ZNF383: variants seen among roughly 807,000 people sequenced by gnomAD.
ZNF383 encodes the protein zinc finger protein 383.
In ZNF383, 32 loss-of-function variants were observed where a neutral mutation model predicts 44.2. The ratio of observed to expected loss-of-function variants is 0.72; its 90% CI spans 0.55 to 0.97. ZNF383 has a LOEUF of 0.97. Ranked by LOEUF, ZNF383 falls within the 50% of genes least tolerant of loss-of-function variation. ZNF383 has a pLI of 0.00. For missense variants in ZNF383, 487 were observed against 562.5 expected (o/e 0.87, Z 1.36); for synonymous variants, 155 against 186.2 (o/e 0.83, Z 1.36).
At chr19:37,222,967 CTAGAGA>C (rs1972996242) in intron 1 of ZNF383, among the ~76,000 whole-genome samples, 1 of 152,102 alleles carries the variant, frequency 6.6e-6, no homozygotes, top group Admixed American at 6.5e-5. Context: ...AGAAGCTTTA[CTAGAGA>C]TAAAGAGGAA....
Position 37,242,911 on chromosome 19 carries a change from C to CT in ZNF383, c.678dup (p.Glu227Ter). ...TGAAAATTCATACTGGCGAAAAACC[C>CT]TTTGAATGTAAGGAATGTGGAAAGG... is the stretch of plus-strand genomic sequence containing the variant. On this transcript the variant is annotated frameshift_variant, in exon 6 of 6. Coordinates refer to ENST00000684119, the MANE Select transcript of ZNF383 (RefSeq NM_001387601.1). LOFTEE classifies it high-confidence loss of function. 1 of 1,614,100 alleles carries CT rather than the reference C, an allele frequency of 6.2e-7. No homozygotes were observed. Among genetic ancestry groups the CT allele is most frequent in the Non-Finnish European group, 8.5e-7 (1 of 1,180,028 alleles).
intron 2 of ZNF383, among the ~76,000 whole-genome samples, chr19:37,229,648 GTA>G (rs1041326528): frequency 2.1e-5 from 3 of 140,522 alleles, no homozygotes; most frequent in Non-Finnish European, 3.0e-5. Flanking sequence ...ATATATATAT[GTA>G]TATATATGTG....
Position 37,224,273 on chromosome 19 carries a change from A to G in ZNF383, c.-167-545A>G, listed in dbSNP as rs569985567. On this transcript the variant is annotated intron_variant, in intron 1 of 5. Coordinates refer to ENST00000684119, the MANE Select transcript of ZNF383 (RefSeq NM_001387601.1). ...ACAAAATGAATGTACAGTGAAGAAA[A>G]CTAACAAAGGCAAAAGCTTATTTTT... Among the ~76,000 whole-genome samples the G allele has an allele frequency of 1.1e-4, 16 of 152,302 alleles. No individual in the cohort carries two copies. In the South Asian group the frequency reaches 3.3e-3, roughly 32 times the overall value.
At chr19:37,230,360 G>A (rs1973423550) in intron 2 of ZNF383, 49 bp from the exon 3 acceptor site, 2 of 1,345,576 alleles carry the variant, frequency 1.5e-6, no homozygotes, top group Non-Finnish European at 1.1e-6. Flanking sequence ...GATTTCTAGA[G>A]GGTTTTACTT....
intron 5 of ZNF383, among the ~76,000 whole-genome samples, chr19:37,238,922 C>A (rs1973950108): frequency 6.6e-6 from 1 of 152,078 alleles, no homozygotes; most frequent in Admixed American, 6.6e-5. Context: ...AAAAATACAT[C>A]TTTTTGGTTT....
At position 37,235,991 on chromosome 19, in the gene ZNF383, C is replaced by G; in HGVS notation, c.149C>G (p.Pro50Arg). ...TTCTCGTGAGCAGGACTTTACACTCCTAAGCCTCAAGTGATCTCCTTATTG... is the reference window on the plus strand; with the variant it reads ...TTCTCGTGAGCAGGACTTTACACTCGTAAGCCTCAAGTGATCTCCTTATTG... ...GNLVSMGLYT[P>R]KPQVISLLEQ... The change falls in exon 5 of 6, where the codon CCT (proline) becomes CGT (arginine). Residue 50 changes from proline (P) to arginine (R), a missense_variant. Coordinates refer to ENST00000684119, the MANE Select transcript of ZNF383 (RefSeq NM_001387601.1). The G allele has an allele frequency of 6.2e-7, 1 of 1,613,484 alleles. No individual in the cohort carries two copies. Among genetic ancestry groups the G allele is most frequent in the South Asian group, 1.1e-5 (1 of 91,020 alleles).
At position 37,245,800 on chromosome 19, in the gene ZNF383, G is replaced by C. The variant is rs1009544055; in HGVS notation, c.*2136G>C. The C allele has an allele frequency of 6.6e-6, 1 of 151,356 alleles. No individual in the cohort carries two copies. The highest frequency in any genetic ancestry group is 1.5e-5 in the Non-Finnish European group (1 of 67,924). The allele number at this position is 151,356 out of a possible 1,614,324, so 9.4% of individuals were successfully genotyped here. On this transcript the variant is annotated 3_prime_UTR_variant, in exon 6 of 6. Transcript: ENST00000684119. ...TTATTTTTTCTTATAGCTATTAGTGGTGTTTTTGTTTTTTGAGACACAGTC... is the reference window on the plus strand; with the variant it reads ...TTATTTTTTCTTATAGCTATTAGTGCTGTTTTTGTTTTTTGAGACACAGTC...
At chr19:37,224,228 T>C (rs1205942395) in intron 1 of ZNF383, among the ~76,000 whole-genome samples, 1 of 152,120 alleles carries the variant, frequency 6.6e-6, no homozygotes, top group Non-Finnish European at 1.5e-5. Context: ...TTGCTGTACA[T>C]AACGAACATA....
At chr19:37,220,563 T>G (rs1035611319) in intron 1 of ZNF383, among the ~76,000 whole-genome samples, 6 of 123,224 alleles carry the variant, frequency 4.9e-5, no homozygotes, top group South Asian at 2.5e-4. Flanking sequence ...ATATTTGTTT[T>G]TTTTTTTGTT....
At chr19:37,221,728 C>T (rs992529913) in intron 1 of ZNF383, among the ~76,000 whole-genome samples, 1 of 150,338 alleles carries the variant, frequency 6.7e-6, no homozygotes, top group Non-Finnish European at 1.5e-5. Flanking sequence ...GCAGGCAGAT[C>T]ATGAGGTCAG....
intron 5 of ZNF383, among the ~76,000 whole-genome samples, chr19:37,238,850 G>T (rs773733884): frequency 1.8e-4 from 27 of 152,182 alleles, no homozygotes; most frequent in Admixed American, 2.6e-4. Context: ...TGCTCTAGGG[G>T]TTCCTAACTT....
intron 5 of ZNF383, among the ~76,000 whole-genome samples, chr19:37,239,930 C>T (rs1009691774): frequency 1.3e-5 from 2 of 152,026 alleles, no homozygotes; most frequent in East Asian, 1.9e-4. Context: ...GAGGCCGAGG[C>T]GGGAGGATCA....
In ZNF383 at chr19:37,245,040, C is replaced by T. The variant is rs1974309301; in HGVS notation, c.*1376C>T. The T allele has an allele frequency of 6.6e-6, 1 of 152,126 alleles. No homozygotes were observed. The highest frequency in any genetic ancestry group is 6.5e-5 in the Admixed American group (1 of 15,268). 9.4% of individuals were successfully genotyped at this position (152,126 alleles called of 1,614,324 possible). A position where few individuals can be genotyped will look rare whatever the true frequency, so the allele number is the denominator to read the frequency against. ...GGGCACAGTGGCTCATGCCTGTAAT[C>T]CCAGCACTTTGGGAGGCCGAGGTGG... On this transcript the variant is annotated 3_prime_UTR_variant, in exon 6 of 6. Coordinates refer to ENST00000684119, the MANE Select transcript of ZNF383 (RefSeq NM_001387601.1).
intron 5 of ZNF383, among the ~76,000 whole-genome samples, chr19:37,236,413 G>A (rs1341826459): frequency 6.7e-6 from 1 of 150,338 alleles, no homozygotes; most frequent in African/African-American, 2.5e-5. Context: ...TTTTTTAAAG[G>A]GTCTGGCTCT....
intron 5 of ZNF383, among the ~76,000 whole-genome samples, chr19:37,241,279 G>T (rs191668387): frequency 6.6e-6 from 1 of 152,134 alleles, no homozygotes; most frequent in Non-Finnish European, 1.5e-5. Flanking sequence ...GGAGTCCCCC[G>T]GCTACCTGCA....
intron 2 of ZNF383, among the ~76,000 whole-genome samples, chr19:37,228,682 T>G (rs934080550): frequency 1.3e-5 from 2 of 152,108 alleles, no homozygotes; most frequent in African/African-American, 4.8e-5. Flanking sequence ...GCCACTGTTG[T>G]GATGGGTCCT....
Position 37,243,384 on chromosome 19 carries a change from A to C in ZNF383, c.1148A>C (p.Gln383Pro). The C allele has an allele frequency of 1.2e-6, 2 of 1,614,176 alleles. No homozygotes were observed. Among genetic ancestry groups the C allele is most frequent in the Non-Finnish European group, 1.7e-6 (2 of 1,180,034 alleles). Residue 383 changes from glutamine to proline, a missense_variant, in exon 6 of 6, where the codon CAA becomes CCA. Transcript: ENST00000684119. ...KAFTQSSQLR[Q>P]HQRIHAGEKP... ...TTTACTCAGAGCTCACAGCTTCGTC[A>C]ACATCAGAGAATTCACGCTGGTGAG...
chr19:37,241,583 CCACT>C (rs1260040804), intron 5 of ZNF383, among the ~76,000 whole-genome samples: 3 of 152,020 alleles, frequency 2.0e-5, no homozygotes, highest in African/African-American at 7.2e-5. Context: ...TAAATCTGTG[CCACT>C]CAATCTCTAG....
At chr19:37,229,500 C>T (rs953454010) in intron 2 of ZNF383, among the ~76,000 whole-genome samples, 9 of 146,428 alleles carry the variant, frequency 6.1e-5, no homozygotes, top group Non-Finnish European at 1.0e-4. Flanking sequence ...ACCCTGTCAC[C>T]CAGGTTGGAG....
Sources: gnomAD v4.1 joint callset for allele counts (sites outside exome capture counted in the v4.1 genomes callset) on GRCh38, gnomAD v4.1.1 for gene constraint, MANE v1.5 for transcripts, NCBI Gene and HGNC (gene_info 2026-07-23, HGNC 2026-07-21) for gene names.